RALYL: variants seen among roughly 807,000 people sequenced by gnomAD.
RALYL encodes the protein RALY RNA binding protein like.
RALYL carries 29 observed loss-of-function variants against 35.1 expected under a neutral mutation model. The ratio of observed to expected loss-of-function variants is 0.83; its 90% CI spans 0.61 to 1.13. The LOEUF is 1.13. Among genes scored for constraint, RALYL ranks in the 50% most tolerant of loss-of-function variants. RALYL has a pLI of 0.00. For missense variants in RALYL, 359 were observed against 360.4 expected (o/e 1.00, Z 0.03); for synonymous variants, 120 against 127.6 (o/e 0.94, Z 0.40).
At chr8:84,696,218 G>A (rs1223645111) in intron 2 of RALYL, among the ~76,000 whole-genome samples, 1 of 151,216 alleles carries the variant, frequency 6.6e-6, no homozygotes, top group Admixed American at 6.6e-5. Context: ...ATTTAAATGA[G>A]GGATCATATG....
At chr8:84,431,438 C>G (rs534513775) in intron 1 of RALYL, among the ~76,000 whole-genome samples, 4 of 151,984 alleles carry the variant, frequency 2.6e-5, no homozygotes, top group Admixed American at 2.0e-4. Context: ...GAAACTACAG[C>G]GAGTTATCAC....
chr8:84,419,006 T>C (rs2045093552), intron 1 of RALYL, among the ~76,000 whole-genome samples: 1 of 152,146 alleles, frequency 6.6e-6, no homozygotes, highest in South Asian at 2.1e-4. Context: ...CTCTCTTTAA[T>C]AGAATTGTTT....
At chr8:84,483,267 G>A (rs4512376) in intron 1 of RALYL, among the ~76,000 whole-genome samples, 1 of 152,056 alleles carries the variant, frequency 6.6e-6, no homozygotes, top group South Asian at 2.1e-4. Flanking sequence ...ACTCTAAAAA[G>A]ATATAACTTA....
intron 2 of RALYL, among the ~76,000 whole-genome samples, chr8:84,742,119 A>C (rs1303133507): frequency 6.6e-6 from 1 of 152,002 alleles, no homozygotes; most frequent in Non-Finnish European, 1.5e-5. Flanking sequence ...TTACAAGTTT[A>C]GGTAGGGAAA....
chr8:84,509,588 C>A (rs2057441256), intron 1 of RALYL, among the ~76,000 whole-genome samples: 1 of 152,108 alleles, frequency 6.6e-6, no homozygotes, highest in Non-Finnish European at 1.5e-5. Context: ...AAAATGTCAT[C>A]ACCAAATCCA....
Position 84,588,767 on chromosome 8 carries a change from A to G in RALYL, c.256+59190A>G, listed in dbSNP as rs183967133. 2.0e-5 allele frequency among the ~76,000 whole-genome samples: 3 copies of G among 152,346 alleles called. No individual in the cohort carries two copies. The East Asian group carries it at 5.8e-4, about 29-fold the overall frequency. Reference sequence around the variant, plus strand: ...GTACCAGAACCACAGCCAGACCTCAAATGGAGGGAAAGGAACAGCAGTTAA... The same window carrying G: ...GTACCAGAACCACAGCCAGACCTCAGATGGAGGGAAAGGAACAGCAGTTAA... On this transcript the variant is annotated intron_variant, in intron 2 of 8. Transcript: ENST00000521268.
intron 2 of RALYL, among the ~76,000 whole-genome samples, chr8:84,624,510 A>G (rs577754787): frequency 1.3e-5 from 2 of 152,232 alleles, no homozygotes; most frequent in South Asian, 4.1e-4. Flanking sequence ...TGCTATGGTC[A>G]TATCTTCCTC....
chr8:84,473,769 G>A (rs559075652), intron 1 of RALYL, among the ~76,000 whole-genome samples: 3 of 151,616 alleles, frequency 2.0e-5, no homozygotes, highest in Non-Finnish European at 4.4e-5. Flanking sequence ...ACTTAATAGT[G>A]TTATTTTTAA....
At chr8:84,220,391 G>A (rs1297194974) in intron 1 of RALYL, among the ~76,000 whole-genome samples, 1 of 151,888 alleles carries the variant, frequency 6.6e-6, no homozygotes. Flanking sequence ...GGTGAAATAT[G>A]GTATATTTTT....
At chr8:84,260,370 G>A (rs764049836) in intron 1 of RALYL, among the ~76,000 whole-genome samples, 7 of 152,126 alleles carry the variant, frequency 4.6e-5, no homozygotes, top group Non-Finnish European at 8.8e-5. Flanking sequence ...GTGGTCTCAG[G>A]TGTGATCGCT....
chr8:84,880,655 A>G (rs1202708199), intron 7 of RALYL, among the ~76,000 whole-genome samples: 1 of 151,982 alleles, frequency 6.6e-6, no homozygotes, highest in African/African-American at 2.4e-5. Context: ...ACACCAATTT[A>G]TTGAGGTACA....
chr8:84,393,518 C>T (rs1861164319), intron 1 of RALYL, among the ~76,000 whole-genome samples: 1 of 151,978 alleles, frequency 6.6e-6, no homozygotes, highest in South Asian at 2.1e-4. Flanking sequence ...GGAAGCTACC[C>T]AAGAAAAGGG....
chr8:84,911,580 C>G (rs548892775), intron 8 of RALYL, among the ~76,000 whole-genome samples: 1 of 152,212 alleles, frequency 6.6e-6, no homozygotes, highest in South Asian at 2.1e-4. Context: ...TGGATACCAA[C>G]TGGGTGTCCT....
chr8:84,617,866 T>A (rs1475918633), intron 2 of RALYL, among the ~76,000 whole-genome samples: 3 of 151,830 alleles, frequency 2.0e-5, no homozygotes, highest in African/African-American at 7.3e-5. Context: ...GGTTTTTGTC[T>A]TTGGCTCTGT....
At chr8:84,311,639 T>G (rs1842831224) in intron 1 of RALYL, among the ~76,000 whole-genome samples, 1 of 152,110 alleles carries the variant, frequency 6.6e-6, no homozygotes, top group East Asian at 1.9e-4. Context: ...AGGATCCCAA[T>G]AAAATACCAT....
At chr8:84,889,330 T>C (rs1843432869) in intron 8 of RALYL, among the ~76,000 whole-genome samples, 2 of 152,208 alleles carry the variant, frequency 1.3e-5, no homozygotes, top group South Asian at 2.1e-4. Context: ...TTGAGCTCTC[T>C]GGAGGCCTCC....
At chr8:84,392,318 C>T (rs1860875036) in intron 1 of RALYL, among the ~76,000 whole-genome samples, 1 of 151,840 alleles carries the variant, frequency 6.6e-6, no homozygotes, top group African/African-American at 2.4e-5. Flanking sequence ...TAGGTTAATC[C>T]ACTAAAGATC....
At chr8:84,294,476 G>T (rs1002623227) in intron 1 of RALYL, among the ~76,000 whole-genome samples, 1 of 152,080 alleles carries the variant, frequency 6.6e-6, no homozygotes, top group South Asian at 2.1e-4. Context: ...GAAACTCTTG[G>T]CTGGGCAGGG....
chr8:84,222,419 C>G (rs10504795), intron 1 of RALYL, among the ~76,000 whole-genome samples: 31,678 of 151,928 alleles, frequency 0.21, 3,490 homozygotes, highest in Admixed American at 0.26. Flanking sequence ...AGTTTTGAGC[C>G]TGAATTAGAT....
Sources: gnomAD v4.1 joint callset for allele counts (sites outside exome capture counted in the v4.1 genomes callset) on GRCh38, gnomAD v4.1.1 for gene constraint, MANE v1.5 for transcripts, NCBI Gene and HGNC (gene_info 2026-07-23, HGNC 2026-07-21) for gene names.